BMP8A: variants seen among roughly 807,000 people sequenced by gnomAD.
The protein encoded by BMP8A is bone morphogenetic protein 8a.
Under a neutral mutation model 36.8 loss-of-function variants are expected in BMP8A, and 14 were observed. The ratio of observed to expected loss-of-function variants is 0.38; its 90% confidence interval spans 0.25 to 0.60. BMP8A has a LOEUF of 0.60. Ranked by LOEUF, BMP8A falls within the 20% of genes least tolerant of loss-of-function variation. The probability of loss-of-function intolerance (pLI) is 0.63; values close to 1 mark genes in which losing one functional copy is unlikely to be tolerated. For synonymous variants in BMP8A, 120 were observed against 237.7 expected (o/e 0.50, Z 4.55); for missense variants, 267 against 551.1 (o/e 0.48, Z 5.16).
At chr1:39,506,842 T>G (rs1248094277) in intron 1 of BMP8A, among the ~76,000 whole-genome samples, 1 of 152,212 alleles carries the variant, frequency 6.6e-6, no homozygotes, top group Non-Finnish European at 1.5e-5. Flanking sequence ...CTTACCTCAG[T>G]GTCTCCTGCA....
At position 39,526,340 on chromosome 1, in the gene BMP8A, T is replaced by C. The variant is rs1307339488; in HGVS notation, c.*542T>C. Among the ~76,000 whole-genome samples, 3 of 109,786 alleles carry C rather than the reference T, an allele frequency of 2.7e-5. No homozygotes were observed. The highest frequency in any genetic ancestry group is 1.7e-4 in the Admixed American group (2 of 11,738). 72.0% of individuals were successfully genotyped at this position (109,786 alleles called of 152,430 possible). On this transcript the variant is annotated 3_prime_UTR_variant, in exon 7 of 7. Transcript: ENST00000331593. Reference sequence around the variant, plus strand: ...GACATCCCCACGAAGCCACTGGGGATTTTTTTTTTTTTTTTCCAGATAGAG... The same window carrying C: ...GACATCCCCACGAAGCCACTGGGGACTTTTTTTTTTTTTTTCCAGATAGAG...
chr1:39,491,834 G>T lies in BMP8A; in HGVS notation c.-158G>T, dbSNP rs938774883. ...TCCCGGAGCCGGGGCAGGTGCGCGCGGGGGGCGCTCCAGGGACCGCGCTGA... is the reference window on the plus strand; with the variant it reads ...TCCCGGAGCCGGGGCAGGTGCGCGCTGGGGGCGCTCCAGGGACCGCGCTGA... On this transcript the variant is annotated 5_prime_UTR_variant, in exon 1 of 7. Transcript: ENST00000331593. 2 of 551,110 alleles carry T rather than the reference G, an allele frequency of 3.6e-6. No homozygotes were observed. Among genetic ancestry groups the T allele is most frequent in the African/African-American group, 2.0e-5 (1 of 48,984 alleles). 34.1% of individuals were successfully genotyped at this position (551,110 alleles called of 1,614,324 possible). A position where few individuals can be genotyped will look rare whatever the true frequency, so the allele number is the denominator to read the frequency against.
intron 6 of BMP8A, chr1:39,523,589 C>T: frequency 1.4e-6 from 2 of 1,418,912 alleles, no homozygotes; most frequent in Non-Finnish European, 1.8e-6. Flanking sequence ...CAGGAAGCTT[C>T]TAGATGGTGT....
At position 39,514,808 on chromosome 1, in the gene BMP8A, G is replaced by C. The variant is rs1304325390; in HGVS notation, c.673+2904G>C. The C allele has an allele frequency of 8.6e-6, 10 of 1,166,470 alleles. No homozygotes were observed. In the Admixed American group the frequency reaches 2.4e-4, roughly 28 times the overall value. 72.3% of individuals were successfully genotyped at this position (1,166,470 alleles called of 1,614,324 possible). A position where few individuals can be genotyped will look rare whatever the true frequency, so the allele number is the denominator to read the frequency against. On this transcript the variant is annotated intron_variant, in intron 3 of 6. Coordinates refer to ENST00000331593, the MANE Select transcript of BMP8A (RefSeq NM_181809.4). Reference sequence around the variant, plus strand: ...CGGCCCCCTCCCTGTTGCGGGTCGCGGGCCTGGCCTAGAGCCTGCGCCTGG... The same window carrying C: ...CGGCCCCCTCCCTGTTGCGGGTCGCCGGCCTGGCCTAGAGCCTGCGCCTGG...
intron 1 of BMP8A, among the ~76,000 whole-genome samples, chr1:39,496,800 T>G (rs1645208908): frequency 6.6e-6 from 1 of 152,254 alleles, no homozygotes. Flanking sequence ...GCTGTCGAAT[T>G]GAACTGAATG....
At chr1:39,517,538 T>G (rs1353432385) in intron 3 of BMP8A, among the ~76,000 whole-genome samples, 3 of 152,256 alleles carry the variant, frequency 2.0e-5, no homozygotes, top group African/African-American at 7.2e-5. Flanking sequence ...TTGGCCAGGC[T>G]GGTCTCAAAC....
chr1:39,497,159 C>A (rs1262119553), intron 1 of BMP8A, among the ~76,000 whole-genome samples: 1 of 152,120 alleles, frequency 6.6e-6, no homozygotes, highest in African/African-American at 2.4e-5. Context: ...AATATACATA[C>A]CACAGTCCAT....
Position 39,523,133 on chromosome 1 carries a change from A to G in BMP8A, c.1059+16A>G. On this transcript the variant is annotated intron_variant, in intron 6 of 6. Coordinates refer to ENST00000331593, the MANE Select transcript of BMP8A (RefSeq NM_181809.4). ...GCAGTCCCTGGTCAGTACCGTGCCCATCCTGCCCAGCCCCCTGGGGTGGGA... is the reference window on the plus strand; with the variant it reads ...GCAGTCCCTGGTCAGTACCGTGCCCGTCCTGCCCAGCCCCCTGGGGTGGGA... 2 of 1,612,092 alleles carry G rather than the reference A, an allele frequency of 1.2e-6. No individual in the cohort carries two copies. Among genetic ancestry groups the G allele is most frequent in the East Asian group, 2.2e-5 (1 of 44,772 alleles).
intron 1 of BMP8A, among the ~76,000 whole-genome samples, chr1:39,494,297 T>TTTTTC (rs1182790457): frequency 3.9e-5 from 6 of 152,090 alleles, no homozygotes; most frequent in South Asian, 4.1e-4. Context: ...GCATGTGAAC[T>TTTTTC]TTTTCTTTTC....
chr1:39,525,811 A>C lies in BMP8A; in HGVS notation c.*13A>C, dbSNP rs2230007. On this transcript the variant is annotated 3_prime_UTR_variant, in exon 7 of 7. Transcript: ENST00000331593. ...CGGCTGCCACTGAGTCAGCCCGCCC[A>C]GCCCTACTGCAGCCACCCTTCTCAT... 1 of 1,613,502 alleles carries C rather than the reference A, an allele frequency of 6.2e-7. No individual in the cohort carries two copies. The highest frequency in any genetic ancestry group is 1.3e-5 in the African/African-American group (1 of 74,938).
Position 39,522,473 on chromosome 1 carries a change from T to C in BMP8A, c.939T>C (p.Leu313=), listed in dbSNP as rs6524. ...RHELYVSFQD[L]GWLDWVIAPQ... is the part of the protein sequence containing the mutation. Reference sequence around the variant, plus strand: ...AGCTCTACGTCAGCTTCCAGGACCTTGGCTGGCTGGTAATTGCTGACTCTC... The same window carrying C: ...AGCTCTACGTCAGCTTCCAGGACCTCGGCTGGCTGGTAATTGCTGACTCTC... The change falls in exon 5 of 7, where the codon CTT becomes CTC. Residue 313 remains leucine, a synonymous_variant. Coordinates refer to ENST00000331593, the MANE Select transcript of BMP8A (RefSeq NM_181809.4). 142,978 of 1,493,300 alleles carry C rather than the reference T, an allele frequency of 0.096. 40 individuals are homozygous for C. The highest frequency in any genetic ancestry group is 0.22 in the Middle Eastern group (1,178 of 5,364). The allele number at this position is 1,493,300 out of a possible 1,614,324, so 92.5% of individuals were successfully genotyped here.
chr1:39,524,565 A>G lies in BMP8A; in HGVS notation c.1060-1084A>G. ...GGCTGGCCCTAAGTTCAGGGCCAGCAGGGAGGAGAGGGGCTGGGTGCAGTG... is the reference window on the plus strand; with the variant it reads ...GGCTGGCCCTAAGTTCAGGGCCAGCGGGGAGGAGAGGGGCTGGGTGCAGTG... On this transcript the variant is annotated intron_variant, in intron 6 of 6. Transcript: ENST00000331593. The surrounding 1 kb of genome is among the most constrained non-coding windows in gnomAD (Gnocchi z 4.0). Among the ~76,000 whole-genome samples, 1 of 152,062 alleles carries G rather than the reference A, an allele frequency of 6.6e-6. No individual in the cohort carries two copies. The highest frequency in any genetic ancestry group is 1.9e-4 in the East Asian group (1 of 5,186).
chr1:39,492,263 A>T lies in BMP8A; in HGVS notation c.272A>T (p.Asp91Val), dbSNP rs1645166393. Residue 91 changes from aspartate (D) to valine (V), a missense_variant, in exon 1 of 7, where the codon GAC (aspartate) becomes GTC (valine). Coordinates refer to ENST00000331593, the MANE Select transcript of BMP8A (RefSeq NM_181809.4). ...YHAMAGDDDE[D>V]GAPAEQRLGR... is the part of the protein sequence containing the mutation. ...GCCATGGCTGGCGACGACGACGAGGACGGCGCGCCCGCGGAGCAGCGCCTG... is the reference window on the plus strand; with the variant it reads ...GCCATGGCTGGCGACGACGACGAGGTCGGCGCGCCCGCGGAGCAGCGCCTG... 9 of 1,561,674 alleles carry T rather than the reference A, an allele frequency of 5.8e-6. No individual in the cohort carries two copies. Among genetic ancestry groups the T allele is most frequent in the Non-Finnish European group, 6.9e-6 (8 of 1,164,688 alleles).
Position 39,526,334 on chromosome 1 carries a change from T to G in BMP8A, c.*536T>G, listed in dbSNP as rs1274314168. 6.7e-6 allele frequency among the ~76,000 whole-genome samples: 1 copy of G among 148,946 alleles called. No homozygotes were observed. Among genetic ancestry groups the G allele is most frequent in the Non-Finnish European group, 1.5e-5 (1 of 67,486 alleles). On this transcript the variant is annotated 3_prime_UTR_variant, in exon 7 of 7. Coordinates refer to ENST00000331593, the MANE Select transcript of BMP8A (RefSeq NM_181809.4). ...AAGCTGGACATCCCCACGAAGCCAC[T>G]GGGGATTTTTTTTTTTTTTTTCCAG...
At position 39,510,376 on chromosome 1, in the gene BMP8A, G is replaced by A. The variant is rs142905884; in HGVS notation, c.335-798G>A. 9.9e-3 allele frequency among the ~76,000 whole-genome samples: 1,091 copies of A among 109,816 alleles called. 38 individuals carry two copies. Among genetic ancestry groups the A allele is most frequent in the African/African-American group, 0.029 (996 of 34,344 alleles). The allele number at this position is 109,816 out of a possible 152,430, so 72.0% of individuals were successfully genotyped here. ...ATCCCATCACCCAGTGAGACCCTCCGACTTCCCCAGCACCTGACTGGCCTC... is the reference window on the plus strand; with the variant it reads ...ATCCCATCACCCAGTGAGACCCTCCAACTTCCCCAGCACCTGACTGGCCTC... On this transcript the variant is annotated intron_variant, in intron 1 of 6. Transcript: ENST00000331593.
chr1:39,508,521 G>T (rs751710582), intron 1 of BMP8A, among the ~76,000 whole-genome samples: 1 of 152,206 alleles, frequency 6.6e-6, no homozygotes, highest in African/African-American at 2.4e-5. Context: ...CCACAGGGTC[G>T]GGACTGGGAC....
At chr1:39,494,493 G>A (rs1557683781) in intron 1 of BMP8A, among the ~76,000 whole-genome samples, 3 of 151,932 alleles carry the variant, frequency 2.0e-5, no homozygotes, top group Non-Finnish European at 4.4e-5. Context: ...TAGGGCTACA[G>A]TCGCACACCA....
At chr1:39,516,858 A>T (rs546971334) in intron 3 of BMP8A, among the ~76,000 whole-genome samples, 4 of 152,198 alleles carry the variant, frequency 2.6e-5, no homozygotes, top group Non-Finnish European at 5.9e-5. Flanking sequence ...CGAGGGAGAA[A>T]ATCACTCAAC....
intron 1 of BMP8A, among the ~76,000 whole-genome samples, chr1:39,499,810 T>C (rs533998258): frequency 1.4e-4 from 21 of 152,256 alleles, no homozygotes; most frequent in Non-Finnish European, 2.6e-4. Flanking sequence ...TCCTGGATTC[T>C]GAGCCAAGCC....
Sources: gnomAD v4.1 joint callset for allele counts (sites outside exome capture counted in the v4.1 genomes callset) on GRCh38, gnomAD v4.1.1 for gene constraint, Gnocchi (gnomAD v3.1) non-coding constraint, MANE v1.5 for transcripts, NCBI Gene and HGNC (gene_info 2026-07-23, HGNC 2026-07-21) for gene names.